Variants in DLGAP2 observed in about 807,000 individuals in gnomAD.
The protein encoded by DLGAP2 is DLG associated protein 2.
DLGAP2 carries 26 observed loss-of-function variants against 100.3 expected under a neutral mutation model. The ratio of observed to expected loss-of-function variants is 0.26; its 90% CI spans 0.19 to 0.36. The LOEUF is 0.36. Ranked by LOEUF, DLGAP2 falls within the 10% of genes least tolerant of loss-of-function variation. The pLI is 1.00. For missense variants in DLGAP2, 1,858 were observed against 1,453.2 expected, an observed-to-expected ratio of 1.28 and a Z score of -4.53; for synonymous variants, 886 against 630.1, an observed-to-expected ratio of 1.41 and a Z score of -6.08.
At position 805,825 on chromosome 8, in the gene DLGAP2, G is replaced by A. The variant is rs145880602; in HGVS notation, c.18+68000G>A. ...ATGCGTGAGCCACCGCACGCAGCCT[G>A]CGCTGTGATTTTTAAACGGTAGTTT... On this transcript the variant is annotated intron_variant, in intron 1 of 14. Transcript: ENST00000637795. Among the ~76,000 whole-genome samples the A allele has an allele frequency of 9.7e-4, 147 of 152,300 alleles. 1 individual carries two copies. The highest frequency in any genetic ancestry group is 7.2e-4 in the Non-Finnish European group (49 of 68,028).
At chr8:1,490,732 A>G (rs1304257011) in intron 3 of DLGAP2, among the ~76,000 whole-genome samples, 1 of 152,294 alleles carries the variant, frequency 6.6e-6, no homozygotes, top group East Asian at 1.9e-4. Context: ...CCACACCAGA[A>G]CAAATGAGCA....
intron 3 of DLGAP2, among the ~76,000 whole-genome samples, chr8:1,389,760 G>A (rs1211631165): frequency 2.0e-5 from 3 of 152,072 alleles, no homozygotes; most frequent in Non-Finnish European, 4.4e-5. Context: ...GAGCAGCTGG[G>A]GACCTACAGG....
chr8:1,663,085 A>G (rs1364867387), intron 8 of DLGAP2, among the ~76,000 whole-genome samples: 1 of 84,036 alleles, frequency 1.2e-5, no homozygotes, highest in Non-Finnish European at 2.1e-5. Flanking sequence ...GCGTTTGTAC[A>G]TGTGTGTGGG....
In DLGAP2 at chr8:854,789, G is replaced by A. The variant is rs1797246221; in HGVS notation, c.19-53123G>A. Among the ~76,000 whole-genome samples the A allele has an allele frequency of 2.0e-5, 3 of 152,322 alleles. No homozygotes were observed. The South Asian group carries it at 6.2e-4, about 32-fold the overall frequency. On this transcript the variant is annotated intron_variant, in intron 1 of 14. Coordinates refer to ENST00000637795, the MANE Select transcript of DLGAP2 (RefSeq NM_001346810.2). ...GGCCTGCCTCAGTGGCAGGAATGTGGTTTTGGAAATACTGAGCTTCAGGAT... is the reference window on the plus strand; with the variant it reads ...GGCCTGCCTCAGTGGCAGGAATGTGATTTTGGAAATACTGAGCTTCAGGAT...
chr8:1,021,624 G>A (rs12677499), intron 2 of DLGAP2, among the ~76,000 whole-genome samples: 81,155 of 152,044 alleles, frequency 0.53, 22,779 homozygotes, highest in Admixed American at 0.63. Flanking sequence ...AGAGACCACA[G>A]ATAATTCACT....
At chr8:1,534,477 C>G (rs1801085929) in intron 4 of DLGAP2, among the ~76,000 whole-genome samples, 1 of 152,168 alleles carries the variant, frequency 6.6e-6, no homozygotes, top group Non-Finnish European at 1.5e-5. Flanking sequence ...AATGTGCTCA[C>G]CATAATGCTT....
At chr8:880,037 AG>A (rs1563076273) in intron 1 of DLGAP2, among the ~76,000 whole-genome samples, 3 of 152,292 alleles carry the variant, frequency 2.0e-5, no homozygotes, top group East Asian at 3.9e-4. Context: ...AGAGGTCTTC[AG>A]GAAATTCTGT....
rs1458463546 is a variant in DLGAP2 at position 1,632,913 on chromosome 8, C to T, written c.1677C>T (p.Leu559=). The stretch of plus-strand genomic sequence containing the variant: ...TTGAATCTCAGGCCATGGATGCCCT[C>T]GACCTCCCGGGATGTTTCCGAACAA... ...SEVESQAMDA[L]DLPGCFRTRS... Residue 559 remains leucine (L), a synonymous_variant, in exon 8 of 15, where the codon CTC becomes CTT. Transcript: ENST00000637795. 3.1e-6 allele frequency: 5 copies of T among 1,613,828 alleles called. No homozygotes were observed. The highest frequency in any genetic ancestry group is 1.3e-5 in the African/African-American group (1 of 74,902).
At chr8:1,584,712 C>T (rs749218215) in intron 6 of DLGAP2, among the ~76,000 whole-genome samples, 77 of 152,124 alleles carry the variant, frequency 5.1e-4, no homozygotes, top group Admixed American at 3.3e-4. Flanking sequence ...GGCACTTGCT[C>T]CTGGGGGTCT....
At chr8:1,596,241 A>G (rs572850407) in intron 6 of DLGAP2, among the ~76,000 whole-genome samples, 27 of 152,282 alleles carry the variant, frequency 1.8e-4, no homozygotes, top group Non-Finnish European at 3.5e-4. Flanking sequence ...CATGGTGTAT[A>G]TGTGCCACAT....
intron 3 of DLGAP2, among the ~76,000 whole-genome samples, chr8:1,464,095 T>A (rs1170808685): frequency 7.6e-6 from 1 of 131,048 alleles, no homozygotes; most frequent in Non-Finnish European, 1.6e-5. Context: ...TCCTTCCAGC[T>A]GAGCTCCCAG....
intron 1 of DLGAP2, among the ~76,000 whole-genome samples, chr8:779,928 C>G (rs773131921): frequency 3.3e-5 from 5 of 152,070 alleles, no homozygotes; most frequent in South Asian, 4.1e-4. Context: ...ATGTTTTGAT[C>G]TATGTATACA....
chr8:1,508,015 G>A (rs1348785715), intron 4 of DLGAP2, among the ~76,000 whole-genome samples: 2 of 151,972 alleles, frequency 1.3e-5, no homozygotes, highest in African/African-American at 4.8e-5. Flanking sequence ...GCCCTGAGGT[G>A]CAGGGGAGGG....
chr8:842,414 A>G (rs1279524695), intron 1 of DLGAP2, among the ~76,000 whole-genome samples: 2 of 152,224 alleles, frequency 1.3e-5, no homozygotes, highest in African/African-American at 4.8e-5. Flanking sequence ...AATGCTGTTG[A>G]ACAGGCACGT....
chr8:1,165,724 T>C (rs1797002327), intron 2 of DLGAP2, among the ~76,000 whole-genome samples: 1 of 152,244 alleles, frequency 6.6e-6, no homozygotes, highest in South Asian at 2.1e-4. Flanking sequence ...ACAAACAATA[T>C]TATGAAGATT....
At chr8:767,341 GT>G in intron 1 of DLGAP2, among the ~76,000 whole-genome samples, 1 of 143,354 alleles carries the variant, frequency 7.0e-6, no homozygotes, top group South Asian at 2.2e-4. Context: ...GCTACTGGCT[GT>G]TGACTGTTTT....
chr8:1,498,525 G>A (rs1480277372), intron 3 of DLGAP2, among the ~76,000 whole-genome samples: 2 of 152,174 alleles, frequency 1.3e-5, no homozygotes, highest in African/African-American at 2.4e-5. Flanking sequence ...TGGTTTGTAG[G>A]GCATGACTCC....
chr8:1,578,942 C>T (rs1048377133), intron 6 of DLGAP2, among the ~76,000 whole-genome samples: 54 of 152,338 alleles, frequency 3.5e-4, no homozygotes, highest in African/African-American at 1.3e-3. Flanking sequence ...TTATTATCAA[C>T]TAATTGAAAT....
chr8:1,601,085 G>T (rs904117542), intron 6 of DLGAP2, among the ~76,000 whole-genome samples: 3 of 152,120 alleles, frequency 2.0e-5, no homozygotes, highest in Non-Finnish European at 4.4e-5. Context: ...TGATGTTGAT[G>T]CTATTACTTT....
Sources: allele counts gnomAD v4.1 joint callset (sites outside exome capture counted in the v4.1 genomes callset), GRCh38; gene constraint gnomAD v4.1.1; transcripts MANE v1.5; gene names NCBI Gene and HGNC (gene_info 2026-07-23, HGNC 2026-07-21).